Variants in SOX6 observed in about 807,000 individuals in gnomAD.
SOX6 encodes transcription factor SOX-6.
In SOX6, 11 loss-of-function variants were observed where a neutral mutation model predicts 97.8. The observed-to-expected ratio is 0.11, with a 90% confidence interval of 0.07 to 0.19. The LOEUF is 0.19. SOX6 is among the 10% of genes least tolerant of loss of function. The pLI, the probability that SOX6 is intolerant of heterozygous loss-of-function variation, is 1.00. For synonymous variants in SOX6, 360 were observed against 371.4 expected, an observed-to-expected ratio of 0.97 and a Z score of 0.35; for missense variants, 810 against 1,039.5, an observed-to-expected ratio of 0.78 and a Z score of 3.04.
intron 13 of SOX6, 30 bp downstream of exon 13, chr11:16,014,912 G>C: frequency 1.3e-6 from 2 of 1,582,370 alleles, no homozygotes; most frequent in Non-Finnish European, 1.7e-6. Context: ...ACATGGAGCA[G>C]CAGAAAAGAA....
At chr11:16,664,815 C>T (rs1423143154) in intron 3 of SOX6, among the ~76,000 whole-genome samples, 1 of 151,622 alleles carries the variant, frequency 6.6e-6, no homozygotes, top group Non-Finnish European at 1.5e-5. Flanking sequence ...GAAAAGAGAG[C>T]AAAGGGTAAA....
rs544642885 is a variant in SOX6, at chr11:16,543,469, A to G, written n.610-67081T>C. ...TATTGAAGTCCCCAGTGATGACATG[A>G]AAAATTTTGTGTATCAAAGAACACT... On this transcript the variant is annotated intron_variant and non_coding_transcript_variant, in intron 4 of 5. Transcript: ENST00000524520. Among the ~76,000 whole-genome samples the G allele has an allele frequency of 7.0e-4, 107 of 152,230 alleles. 2 individuals carry two copies. In the South Asian group the frequency reaches 0.021, roughly 30 times the overall value.
At chr11:16,392,167 G>A (rs1223046287) in intron 1 of SOX6, among the ~76,000 whole-genome samples, 2 of 152,068 alleles carry the variant, frequency 1.3e-5, no homozygotes, top group Non-Finnish European at 2.9e-5. Context: ...CTATGTAATG[G>A]TATATATTTG....
chr11:16,471,080 ATT>A (rs766382670), intron 1 of SOX6, among the ~76,000 whole-genome samples: 1 of 148,386 alleles, frequency 6.7e-6, no homozygotes, highest in African/African-American at 2.5e-5. Context: ...ACTATGTCCG[ATT>A]TTTTTTTTGT....
At chr11:16,111,314 C>A (rs1242008084) in intron 7 of SOX6, among the ~76,000 whole-genome samples, 2 of 152,168 alleles carry the variant, frequency 1.3e-5, no homozygotes, top group African/African-American at 4.8e-5. Context: ...GTACTGAATA[C>A]TTCATTTTTT....
At chr11:16,636,171 A>C (rs990782223) in intron 3 of SOX6, among the ~76,000 whole-genome samples, 10 of 152,226 alleles carry the variant, frequency 6.6e-5, no homozygotes, top group African/African-American at 2.4e-4. Flanking sequence ...ATTCAATACC[A>C]GTCATGAAAG....
intron 4 of SOX6, among the ~76,000 whole-genome samples, chr11:16,514,260 T>G (rs1286878667): frequency 6.6e-6 from 1 of 151,052 alleles, no homozygotes; most frequent in East Asian, 1.9e-4. Flanking sequence ...TACCACCATG[T>G]ACATATTGTT....
At position 16,487,209 on chromosome 11, in the gene SOX6, T is replaced by C. The variant is rs190813119; in HGVS notation, n.610-10821A>G. 1.1e-3 allele frequency among the ~76,000 whole-genome samples: 162 copies of C among 152,294 alleles called. 2 individuals are homozygous for C. Among genetic ancestry groups the C allele is most frequent in the Admixed American group, 2.5e-3 (38 of 15,304 alleles). ...AATAAAATAATGATTTTTTAAAATA[T>C]AAGGAGGTATTAGAAACTAGACATG... On this transcript the variant is annotated intron_variant and non_coding_transcript_variant, in intron 4 of 5. Transcript: ENST00000524520.
intron 2 of SOX6, among the ~76,000 whole-genome samples, chr11:16,333,435 A>C (rs1430625220): frequency 6.6e-6 from 1 of 152,140 alleles, no homozygotes; most frequent in African/African-American, 2.4e-5. Flanking sequence ...AGGCTAGGCA[A>C]GAAAAAATTT....
chr11:16,044,161 G>C (rs1855758493), intron 12 of SOX6, among the ~76,000 whole-genome samples: 2 of 151,994 alleles, frequency 1.3e-5, no homozygotes, highest in Admixed American at 1.3e-4. Context: ...TAATAAACCT[G>C]CATGCTGATC....
At chr11:16,533,339 C>T (rs886414867) in intron 4 of SOX6, among the ~76,000 whole-genome samples, 1 of 151,390 alleles carries the variant, frequency 6.6e-6, no homozygotes, top group African/African-American at 2.4e-5. Flanking sequence ...ACTGAATAAC[C>T]CCTAAAAACT....
chr11:16,409,820 T>C lies in SOX6; in HGVS notation c.-5+66495A>G, dbSNP rs1174789104. Among the ~76,000 whole-genome samples, 3 of 52,558 alleles carry C rather than the reference T, an allele frequency of 5.7e-5. No homozygotes were observed. In the East Asian group the frequency reaches 2.7e-3, roughly 48 times the overall value. The allele number at this position is 52,558 out of a possible 152,430, so 34.5% of individuals were successfully genotyped here. On this transcript the variant is annotated intron_variant, in intron 1 of 15. Transcript: ENST00000396356. ...CCATCACAGACAGAAACAATGTCTT[T>C]CCTCGGTTTAAAAAAAAAAGCTTCA...
At chr11:16,152,882 G>A (rs1339448287) in intron 6 of SOX6, among the ~76,000 whole-genome samples, 1 of 150,214 alleles carries the variant, frequency 6.7e-6, no homozygotes, top group East Asian at 2.0e-4. Flanking sequence ...TTGTTTGTTT[G>A]TTTGAAATGG....
chr11:16,325,332 CA>C (rs1175711635), intron 2 of SOX6, among the ~76,000 whole-genome samples: 2 of 152,238 alleles, frequency 1.3e-5, no homozygotes, highest in African/African-American at 4.8e-5. Flanking sequence ...CCCCCACACA[CA>C]AACATACACA....
intron 1 of SOX6, among the ~76,000 whole-genome samples, chr11:16,351,528 G>GCT (rs141957705): frequency 3.1e-4 from 47 of 152,076 alleles, no homozygotes; most frequent in African/African-American, 1.0e-3. Flanking sequence ...AACATCAGTG[G>GCT]CTCTCCCCTG....
chr11:16,048,408 A>G lies in SOX6; in HGVS notation c.1435+1347T>C, dbSNP rs1333309395. 3.3e-5 allele frequency among the ~76,000 whole-genome samples: 5 copies of G among 152,182 alleles called. No homozygotes were observed. The East Asian group carries it at 7.7e-4, about 23-fold the overall frequency. ...AGGAAGATTAACATCTCACTATCAG[A>G]AGATTCACTTAGACTCAGCACAATT... On this transcript the variant is annotated intron_variant, in intron 11 of 15. Coordinates refer to ENST00000683767, the MANE Select transcript of SOX6 (RefSeq NM_001367873.1).
rs1464607654 is a variant in SOX6 at position 16,164,446 on chromosome 11, T to C, written c.777+19440A>G. On this transcript the variant is annotated intron_variant, in intron 6 of 15. Coordinates refer to ENST00000683767, the MANE Select transcript of SOX6 (RefSeq NM_001367873.1). ...TAACTGTTCAGTTTATAATAATTAT[T>C]TTTGTACTTGTTTTCAAGATGTTCT... is the stretch of plus-strand genomic sequence containing the variant. Among the ~76,000 whole-genome samples the C allele has an allele frequency of 4.6e-5, 7 of 152,172 alleles. No individual in the cohort carries two copies. The East Asian group carries it at 1.3e-3, about 29-fold the overall frequency.
At chr11:16,185,225 C>G (rs574055968) in intron 5 of SOX6, among the ~76,000 whole-genome samples, 23 of 152,254 alleles carry the variant, frequency 1.5e-4, no homozygotes, top group African/African-American at 5.1e-4. Context: ...AATGAGACTC[C>G]TCCTTGTCAG....
intron 9 of SOX6, among the ~76,000 whole-genome samples, chr11:16,072,745 CT>C (rs1848255144): frequency 6.6e-6 from 1 of 152,134 alleles, no homozygotes; most frequent in Non-Finnish European, 1.5e-5. Context: ...TAATAGCAAA[CT>C]TTTCAGCAGA....
Sources: allele counts gnomAD v4.1 joint callset (sites outside exome capture counted in the v4.1 genomes callset), GRCh38; gene constraint gnomAD v4.1.1; transcripts MANE v1.5; gene names NCBI Gene and HGNC (gene_info 2026-07-23, HGNC 2026-07-21).